Variants in PRKAR2B observed in about 807,000 individuals in gnomAD.
The protein encoded by PRKAR2B is protein kinase cAMP-dependent type II regulatory subunit beta.
Under a neutral mutation model 49.9 loss-of-function variants are expected in PRKAR2B, and 14 were observed. The observed-to-expected ratio is 0.28, with a 90% confidence interval of 0.19 to 0.44. The LOEUF is 0.44. Ranked by LOEUF, PRKAR2B falls within the 20% of genes least tolerant of loss-of-function variation. PRKAR2B has a pLI of 1.00. For missense variants in PRKAR2B, 393 were observed against 537.9 expected (o/e 0.73, Z 2.67); for synonymous variants, 196 against 197.7 (o/e 0.99, Z 0.07).
At chr7:107,051,123 T>C (rs564871343) in intron 1 of PRKAR2B, among the ~76,000 whole-genome samples, 1 of 152,364 alleles carries the variant, frequency 6.6e-6, no homozygotes, top group East Asian at 1.9e-4. Context: ...GTTTTGGCCT[T>C]ATAAATTTGA....
intron 2 of PRKAR2B, among the ~76,000 whole-genome samples, chr7:107,112,878 C>A (rs1054279559): frequency 6.6e-6 from 1 of 151,958 alleles, no homozygotes; most frequent in African/African-American, 2.4e-5. Context: ...TTTTAGACTT[C>A]TGATAATCAG....
intron 6 of PRKAR2B, 30 bp downstream of exon 6, chr7:107,146,491 T>C: frequency 6.3e-7 from 1 of 1,597,194 alleles, no homozygotes; most frequent in South Asian, 1.1e-5. Context: ...GACCTGAATG[T>C]TATGATTTGT....
chr7:107,117,514 C>T (rs537260119), intron 2 of PRKAR2B, among the ~76,000 whole-genome samples: 7 of 152,206 alleles, frequency 4.6e-5, no homozygotes, highest in African/African-American at 1.7e-4. Flanking sequence ...ACTTACTGAG[C>T]GTCTAGAGTG....
At chr7:107,082,319 C>A (rs928372046) in intron 2 of PRKAR2B, among the ~76,000 whole-genome samples, 4 of 152,166 alleles carry the variant, frequency 2.6e-5, no homozygotes, top group Admixed American at 2.6e-4. Flanking sequence ...GATATTGCTT[C>A]TTACTTGCTT....
intron 2 of PRKAR2B, among the ~76,000 whole-genome samples, chr7:107,118,441 A>G (rs1183341059): frequency 7.2e-6 from 1 of 139,146 alleles, no homozygotes; most frequent in African/African-American, 2.5e-5. Flanking sequence ...TTGTTCATCA[A>G]CCAGTCATTT....
chr7:107,085,269 C>G (rs1304323769), intron 2 of PRKAR2B, among the ~76,000 whole-genome samples: 1 of 151,998 alleles, frequency 6.6e-6, no homozygotes, highest in East Asian at 1.9e-4. Flanking sequence ...TACCAATTTT[C>G]TGTGTTTTAA....
At position 107,137,483 on chromosome 7, in the gene PRKAR2B, AGTTT is replaced by A. The variant is rs576539563; in HGVS notation, c.481-3359_481-3356del. Among the ~76,000 whole-genome samples the A allele has an allele frequency of 2.6e-3, 401 of 152,324 alleles. 1 individual carries two copies. The highest frequency in any genetic ancestry group is 4.3e-3 in the Non-Finnish European group (293 of 68,026). ...TCCAGTGCCCTGTTGATAAACTGTT[AGTTT>A]GTTTCCAGTCTTCTGCTATTGTGAT... On this transcript the variant is annotated intron_variant, in intron 4 of 10. Transcript: ENST00000265717.
At chr7:107,129,605 G>A (rs891196134) in intron 4 of PRKAR2B, among the ~76,000 whole-genome samples, 3 of 152,130 alleles carry the variant, frequency 2.0e-5, no homozygotes, top group African/African-American at 7.2e-5. Context: ...CTTGGATCTC[G>A]CACAAAAATG....
chr7:107,101,470 A>G (rs1281288750), intron 2 of PRKAR2B, among the ~76,000 whole-genome samples: 2 of 152,194 alleles, frequency 1.3e-5, no homozygotes, highest in Admixed American at 6.5e-5. Context: ...GGGCTAGGGC[A>G]CTGCCCAGTT....
chr7:107,150,529 A>G (rs1795963968), intron 6 of PRKAR2B, among the ~76,000 whole-genome samples: 1 of 152,072 alleles, frequency 6.6e-6, no homozygotes, highest in Non-Finnish European at 1.5e-5. Flanking sequence ...TGACAAGAAA[A>G]TTTTGACATA....
chr7:107,084,824 A>G (rs2116792948), intron 2 of PRKAR2B, among the ~76,000 whole-genome samples: 1 of 151,616 alleles, frequency 6.6e-6, no homozygotes, highest in Admixed American at 6.6e-5. Context: ...ACGGGGTTTC[A>G]CCGTGTTAGC....
rs142963917 is a variant in PRKAR2B at position 107,124,073 on chromosome 7, C to A, written c.396+2069C>A. ...GTGATAAAATTACATTTCATTTGGA[C>A]ATTTTGTATTACTTCTGAGACTCAC... On this transcript the variant is annotated intron_variant, in intron 3 of 10. Coordinates refer to ENST00000265717, the MANE Select transcript of PRKAR2B (RefSeq NM_002736.3). Among the ~76,000 whole-genome samples the A allele has an allele frequency of 2.0e-4, 30 of 152,254 alleles. No homozygotes were observed. In the East Asian group the frequency reaches 5.2e-3, roughly 26 times the overall value.
At position 107,045,192 on chromosome 7, in the gene PRKAR2B, C is replaced by A. The variant is rs990309399; in HGVS notation, c.285C>A (p.Pro95=). ...SEDGEEEEAA[P]ADAGAFNAPV... Reference sequence around the variant, plus strand: ...ACGGGGAGGAGGAGGAGGCGGCGCCCGCGGACGCAGGGGCGTTCAATGGTG... The same window carrying A: ...ACGGGGAGGAGGAGGAGGCGGCGCCAGCGGACGCAGGGGCGTTCAATGGTG... The change falls in exon 1 of 11, where the codon CCC becomes CCA. Residue 95 remains proline, a synonymous_variant. Transcript: ENST00000265717. The A allele has an allele frequency of 1.4e-5, 20 of 1,462,948 alleles. No individual in the cohort carries two copies. The highest frequency in any genetic ancestry group is 2.5e-4 in the Middle Eastern group (1 of 4,046). The allele number at this position is 1,462,948 out of a possible 1,614,324, so 90.6% of individuals were successfully genotyped here.
At chr7:107,127,052 TC>T (rs1263628576) in intron 3 of PRKAR2B, among the ~76,000 whole-genome samples, 1 of 152,252 alleles carries the variant, frequency 6.6e-6, no homozygotes, top group Non-Finnish European at 1.5e-5. Flanking sequence ...ACTATAAGTT[TC>T]CCCAATTCTT....
intron 1 of PRKAR2B, among the ~76,000 whole-genome samples, chr7:107,060,295 C>T (rs1794001469): frequency 6.6e-6 from 1 of 152,118 alleles, no homozygotes; most frequent in African/African-American, 2.4e-5. Flanking sequence ...TTTGACTTCA[C>T]CTCACATTGT....
chr7:107,126,770 T>A (rs1795503712), intron 3 of PRKAR2B, among the ~76,000 whole-genome samples: 1 of 152,196 alleles, frequency 6.6e-6, no homozygotes, highest in African/African-American at 2.4e-5. Context: ...TTGGTGTGGT[T>A]TGGTTAATAC....
At position 107,076,673 on chromosome 7, in the gene PRKAR2B, G is replaced by A. The variant is rs370281834; in HGVS notation, c.343+6357G>A. On this transcript the variant is annotated intron_variant, in intron 2 of 10. Coordinates refer to ENST00000265717, the MANE Select transcript of PRKAR2B (RefSeq NM_002736.3). ...TAATAGAAGGATTTTCTTTTCTCAT[G>A]TAGTTAACCACTCTTTAATTTTTTG... 1.5e-4 allele frequency among the ~76,000 whole-genome samples: 23 copies of A among 152,256 alleles called. No homozygotes were observed. The East Asian group carries it at 2.9e-3, about 19-fold the overall frequency.
chr7:107,056,255 C>G (rs1047861350), intron 1 of PRKAR2B, among the ~76,000 whole-genome samples: 2 of 152,126 alleles, frequency 1.3e-5, no homozygotes, highest in Non-Finnish European at 2.9e-5. Context: ...AGCATGATGC[C>G]TCCAGCTTTG....
chr7:107,113,961 C>T (rs990967788), intron 2 of PRKAR2B, among the ~76,000 whole-genome samples: 5 of 152,166 alleles, frequency 3.3e-5, no homozygotes. Context: ...CTGTTCTGGA[C>T]TCATCCTCTT....
Sources: allele counts gnomAD v4.1 joint callset (sites outside exome capture counted in the v4.1 genomes callset), GRCh38; gene constraint gnomAD v4.1.1; transcripts MANE v1.5; gene names NCBI Gene and HGNC (gene_info 2026-07-23, HGNC 2026-07-21).